Variants in SLC5A4 observed in about 807,000 individuals in gnomAD.
SLC5A4 encodes the protein solute carrier family 5 member 4.
In SLC5A4, 55 loss-of-function variants were observed where a neutral mutation model predicts 70.3. The ratio of observed to expected loss-of-function variants is 0.78; its 90% CI spans 0.63 to 0.98. The LOEUF (loss-of-function observed/expected upper bound fraction) is 0.98, where lower values mean the gene tolerates loss of function less well. Ranked by LOEUF, SLC5A4 falls within the 50% of genes least tolerant of loss-of-function variation. The pLI is 0.00. For synonymous variants in SLC5A4, 268 were observed against 305.7 expected, an observed-to-expected ratio of 0.88 and a Z score of 1.29; for missense variants, 735 against 839.2, an observed-to-expected ratio of 0.88 and a Z score of 1.53.
chr22:32,239,347 G>A (rs1926249389), intron 5 of SLC5A4, among the ~76,000 whole-genome samples: 2 of 150,284 alleles, frequency 1.3e-5, no homozygotes, highest in African/African-American at 4.9e-5. Flanking sequence ...GAAGTGACAT[G>A]TCCTGAGAAC....
chr22:32,306,530 CATT>C, the SLC5A4 span, among the ~76,000 whole-genome samples: 12,794 of 151,606 alleles, frequency 0.084, 780 homozygotes, highest in African/African-American at 0.18. Flanking sequence ...GTGAAAAACT[CATT>C]ATTGTTACAC....
chr22:32,274,179 A>AC, the SLC5A4 span, among the ~76,000 whole-genome samples: 1 of 151,738 alleles, frequency 6.6e-6, no homozygotes, highest in African/African-American at 2.4e-5. Flanking sequence ...AGCTGGGACT[A>AC]CAGGTGCCCG....
chr22:32,254,286 G>A, intron 1 of SLC5A4, 73 bp from the exon 2 acceptor site: 1 of 1,137,214 alleles, frequency 8.8e-7, no homozygotes, highest in Non-Finnish European at 1.3e-6. Context: ...GCTCTGGCCA[G>A]GGTGCTGAGA....
the SLC5A4 span, chr22:32,271,687 G>A: frequency 1.7e-6 from 1 of 578,394 alleles, no homozygotes. Flanking sequence ...TGCTGCGGCT[G>A]CACCCCGTGG....
chr22:32,278,999 G>A, the SLC5A4 span, among the ~76,000 whole-genome samples: 5 of 152,172 alleles, frequency 3.3e-5, no homozygotes, highest in Admixed American at 2.0e-4. Context: ...GCTATAGGCC[G>A]GGCGCGGTGG....
the SLC5A4 span, among the ~76,000 whole-genome samples, chr22:32,332,867 T>C: frequency 3.1e-4 from 47 of 152,202 alleles, no homozygotes; most frequent in African/African-American, 1.1e-3. Flanking sequence ...TGCTGTCCTT[T>C]TCATCGGCAG....
At position 32,224,495 on chromosome 22, in the gene SLC5A4, C is replaced by T; in HGVS notation, c.1450-13G>A. ...CCCAGAATGCTCCCTGCAAAAGAAG[C>T]AAGAAGAAAATCAGAATGTTTAGAA... On this transcript the variant is annotated splice_polypyrimidine_tract_variant and intron_variant, in intron 12 of 14. Transcript: ENST00000266086. 1 of 1,590,708 alleles carries T rather than the reference C, an allele frequency of 6.3e-7. No homozygotes were observed.
At chr22:32,324,434 C>T in the SLC5A4 span, among the ~76,000 whole-genome samples, 1 of 152,132 alleles carries the variant, frequency 6.6e-6, no homozygotes, top group Non-Finnish European at 1.5e-5. Context: ...CAACAGGACT[C>T]TTACCGCTTT....
intron 10 of SLC5A4, among the ~76,000 whole-genome samples, chr22:32,230,483 C>T (rs1925683636): frequency 1.3e-5 from 2 of 152,150 alleles, no homozygotes; most frequent in African/African-American, 4.8e-5. Flanking sequence ...AAAGCAGTGC[C>T]TGGCACTTAG....
At chr22:32,308,166 CGTTAT>C in the SLC5A4 span, among the ~76,000 whole-genome samples, 5 of 152,042 alleles carry the variant, frequency 3.3e-5, no homozygotes, top group African/African-American at 7.2e-5. Context: ...CCTGGGTTCA[CGTTAT>C]GTTAATTTCA....
the SLC5A4 span, among the ~76,000 whole-genome samples, chr22:32,283,851 G>A: frequency 5.0e-3 from 753 of 151,962 alleles, 2 homozygotes; most frequent in South Asian, 0.017. Flanking sequence ...GCCAGTATAT[G>A]CTGGCTCCAG....
chr22:32,305,214 C>CT, the SLC5A4 span, among the ~76,000 whole-genome samples: 21,869 of 151,608 alleles, frequency 0.14, 1,791 homozygotes, highest in East Asian at 0.33. Context: ...TTTCCTGTAT[C>CT]TTTTTTTTAT....
At chr22:32,257,502 A>C (rs764008254), upstream of SLC5A4, among the ~76,000 whole-genome samples, 3 of 152,016 alleles carry the variant, frequency 2.0e-5, no homozygotes, top group Non-Finnish European at 4.4e-5. Context: ...CCACAGGCAC[A>C]TGCCACCCAT....
At chr22:32,280,809 G>C in the SLC5A4 span, among the ~76,000 whole-genome samples, 17,220 of 152,220 alleles carry the variant, frequency 0.11, 1,376 homozygotes, top group East Asian at 0.34. Flanking sequence ...AGCAGTAGTT[G>C]GATGACACTC....
chr22:32,228,327 G>A (rs1925525798), intron 11 of SLC5A4, among the ~76,000 whole-genome samples: 1 of 133,802 alleles, frequency 7.5e-6, no homozygotes, highest in Non-Finnish European at 1.6e-5. Context: ...GATCACCCAA[G>A]GTCAGGAGTT....
chr22:32,218,803 A>G (rs1175935636), intron 14 of SLC5A4, 78 bp from the exon 15 acceptor site: 74 of 993,638 alleles, frequency 7.4e-5, no homozygotes, highest in Non-Finnish European at 1.1e-4. Context: ...TGTAGTACCT[A>G]TGACTGTAAA....
the SLC5A4 span, among the ~76,000 whole-genome samples, chr22:32,353,850 T>A: frequency 6.7e-6 from 1 of 148,966 alleles, no homozygotes; most frequent in African/African-American, 2.5e-5. Flanking sequence ...CTGGGGGCAG[T>A]AATGCCCTGA....
chr22:32,266,871 G>A, the SLC5A4 span, among the ~76,000 whole-genome samples: 1 of 152,350 alleles, frequency 6.6e-6, no homozygotes, highest in African/African-American at 2.4e-5. Flanking sequence ...TTATGTGGAA[G>A]TGAATTCAAC....
chr22:32,295,272 G>A, the SLC5A4 span, among the ~76,000 whole-genome samples: 1 of 102,652 alleles, frequency 9.7e-6, no homozygotes, highest in Non-Finnish European at 2.1e-5. Context: ...CTAGTTTACA[G>A]TCCCACCAAC....
Sources: gnomAD v4.1 joint callset for allele counts (sites outside exome capture counted in the v4.1 genomes callset) on GRCh38, gnomAD v4.1.1 for gene constraint, MANE v1.5 for transcripts, NCBI Gene and HGNC (gene_info 2026-07-23, HGNC 2026-07-21) for gene names.